Variants in SCARB2 observed in about 807,000 individuals in gnomAD.
SCARB2 encodes the protein lysosome membrane protein 2.
Under a neutral mutation model 58.6 loss-of-function variants are expected in SCARB2, and 29 were observed. That is an observed-to-expected ratio of 0.49 (90% CI 0.37 to 0.67). The LOEUF (loss-of-function observed/expected upper bound fraction) is 0.67, where lower values mean the gene tolerates loss of function less well. SCARB2 is among the 30% of genes least tolerant of loss of function. SCARB2 has a pLI of 0.00. For synonymous variants in SCARB2, 195 were observed against 210.1 expected, an observed-to-expected ratio of 0.93 and a Z score of 0.62; for missense variants, 488 against 578.5, an observed-to-expected ratio of 0.84 and a Z score of 1.60.
chr4:76,167,300 AG>A (rs1354656095), intron 9 of SCARB2, among the ~76,000 whole-genome samples: 1 of 152,192 alleles, frequency 6.6e-6, no homozygotes, highest in Admixed American at 6.5e-5. Context: ...CCCAAATCTC[AG>A]GGTGAAATGT....
intron 7 of SCARB2, among the ~76,000 whole-genome samples, chr4:76,172,106 C>T (rs1348519161): frequency 1.3e-5 from 2 of 148,174 alleles, no homozygotes; most frequent in African/African-American, 2.5e-5. Context: ...TTAATATACT[C>T]ATATATTAAC....
intron 8 of SCARB2, 28 bp from the exon 9 acceptor site, chr4:76,168,504 CATTAGG>C: frequency 6.3e-7 from 1 of 1,597,412 alleles, no homozygotes; most frequent in Non-Finnish European, 8.6e-7. Context: ...GAAAAGGAAA[CATTAGG>C]ATTTATTAAA....
At chr4:76,209,531 G>A (rs1332229366) in intron 1 of SCARB2, among the ~76,000 whole-genome samples, 1 of 152,118 alleles carries the variant, frequency 6.6e-6, no homozygotes, top group Non-Finnish European at 1.5e-5. Context: ...ACCATGCCTA[G>A]CTAATTTCTG....
chr4:76,176,022 T>C (rs1732245195), intron 5 of SCARB2, 112 bp from the exon 6 acceptor site: 1 of 1,276,238 alleles, frequency 7.8e-7, no homozygotes, highest in Non-Finnish European at 1.1e-6. Context: ...CACAGTATCT[T>C]ATTCATACAC....
At chr4:76,234,057 G>A (rs1436005034) in intron 1 of SCARB2, among the ~76,000 whole-genome samples, 7 of 152,244 alleles carry the variant, frequency 4.6e-5, no homozygotes, top group Admixed American at 6.5e-5. Flanking sequence ...TTCAGGCCCA[G>A]GGTGTGTGGC....
chr4:76,197,641 C>G (rs1236478991), intron 1 of SCARB2, among the ~76,000 whole-genome samples: 2 of 152,172 alleles, frequency 1.3e-5, no homozygotes, highest in Admixed American at 6.5e-5. Flanking sequence ...ACCTGGTATT[C>G]CCAACAGTCC....
intron 3 of SCARB2, 53 bp downstream of exon 3, chr4:76,180,901 G>GCTTTTTCCTTT: frequency 6.6e-7 from 1 of 1,517,244 alleles, no homozygotes; most frequent in Non-Finnish European, 9.1e-7. Context: ...CATTAACTTA[G>GCTTTTTCCTTT]CTTTTTCCTT....
chr4:76,218,799 C>G (rs556093402), upstream of SCARB2, among the ~76,000 whole-genome samples: 1 of 152,128 alleles, frequency 6.6e-6, no homozygotes, highest in African/African-American at 2.4e-5. Flanking sequence ...GGCGAGGAGT[C>G]AGGAGATCAA....
intron 10 of SCARB2, chr4:76,163,771 A>T (rs1169706104): frequency 3.0e-6 from 1 of 330,572 alleles, no homozygotes; most frequent in Admixed American, 4.6e-5. Context: ...CTAAGTTTCC[A>T]TCTCACTCTC....
chr4:76,176,446 T>C lies in SCARB2; in HGVS notation c.695A>G (p.Asn232Ser), dbSNP rs1732253108. The change falls in exon 5 of 12, where the codon AAT becomes AGT. Residue 232 changes from asparagine to serine, a missense_variant. Asn to Ser is a conservative substitution (Grantham distance 46). Transcript: ENST00000264896. The part of the protein sequence containing the change: ...YLNFTKIVEW[N>S]GKTSLDWWIT... ...AAATCATTTGACTTACGTTTTCCCA[T>C]TCCATTCCACAATTTTTGTAAAGTT... The C allele has an allele frequency of 6.2e-7, 1 of 1,609,202 alleles. No individual in the cohort carries two copies. The highest frequency in any genetic ancestry group is 1.3e-5 in the African/African-American group (1 of 74,854).
chr4:76,218,216 G>A (rs1733247894), upstream of SCARB2, among the ~76,000 whole-genome samples: 1 of 152,136 alleles, frequency 6.6e-6, no homozygotes, highest in Non-Finnish European at 1.5e-5. Context: ...TATTGAAGGT[G>A]ATCTATAAAA....
chr4:76,195,493 AAC>A, intron 2 of SCARB2: 1 of 576,152 alleles, frequency 1.7e-6, no homozygotes, highest in East Asian at 2.9e-5. Context: ...TGCACTTCAA[AAC>A]ACAACACGCT....
At chr4:76,162,620 C>G (rs1731923004) in intron 11 of SCARB2, 1 of 158,238 alleles carries the variant, frequency 6.3e-6, no homozygotes, top group Admixed American at 6.1e-5. Context: ...TCGGATACAT[C>G]AGGGATTCTT....
At chr4:76,190,152 G>A (rs889052675) in intron 2 of SCARB2, among the ~76,000 whole-genome samples, 1 of 151,882 alleles carries the variant, frequency 6.6e-6, no homozygotes, top group Non-Finnish European at 1.5e-5. Context: ...GGGGCCACAG[G>A]CACATGCCAC....
Position 76,213,415 on chromosome 4 carries a change from G to A in SCARB2, c.117+12C>T. ...CGACTCCACAACACACACACAGCCC[G>A]CCCCGCCTCACCTTCTCGATACTCT... is the stretch of plus-strand genomic sequence containing the variant. On this transcript the variant is annotated intron_variant, in intron 1 of 11. Coordinates refer to ENST00000264896, the MANE Select transcript of SCARB2 (RefSeq NM_005506.4). 6.4e-7 allele frequency: 1 copy of A among 1,571,430 alleles called. No individual in the cohort carries two copies.
At chr4:76,230,211 C>T (rs1733469453) in intron 1 of SCARB2, among the ~76,000 whole-genome samples, 1 of 152,062 alleles carries the variant, frequency 6.6e-6, no homozygotes, top group African/African-American at 2.4e-5. Context: ...GCTATGGCCA[C>T]TGTAGGGGAT....
chr4:76,180,417 C>T (rs1732357634), intron 3 of SCARB2: 2 of 151,844 alleles, frequency 1.3e-5, no homozygotes, highest in Non-Finnish European at 2.9e-5. Flanking sequence ...TCTCATGGGT[C>T]TCAGTATAGA....
At position 76,213,568 on chromosome 4, in the gene SCARB2, C is replaced by G. The variant is rs780104759; in HGVS notation, c.-25G>C. Reference sequence around the variant, plus strand: ...TTCTGTGCGCCGCTCACGGGCCGGGCCGGGCCGCACCCGCCAGGGATCCAA... The same window carrying G: ...TTCTGTGCGCCGCTCACGGGCCGGGGCGGGCCGCACCCGCCAGGGATCCAA... On this transcript the variant is annotated 5_prime_UTR_variant, in exon 1 of 12. Transcript: ENST00000264896. 1.3e-6 allele frequency: 2 copies of G among 1,578,178 alleles called. No individual in the cohort carries two copies. Among genetic ancestry groups the G allele is most frequent in the Non-Finnish European group, 1.7e-6 (2 of 1,155,246 alleles).
At chr4:76,174,638 G>A in intron 6 of SCARB2, 1 of 328,374 alleles carries the variant, frequency 3.0e-6, no homozygotes, top group African/African-American at 2.2e-5. Context: ...ATGGACATAT[G>A]CCAGTGTGGA....
Sources: allele counts gnomAD v4.1 joint callset (sites outside exome capture counted in the v4.1 genomes callset), GRCh38; gene constraint gnomAD v4.1.1; transcripts MANE v1.5; gene names NCBI Gene and HGNC (gene_info 2026-07-23, HGNC 2026-07-21).